The following MCEE variants were observed in gnomAD, a reference collection of about 807,000 sequenced individuals.
MCEE encodes methylmalonyl-CoA epimerase, mitochondrial.
In MCEE, 6 loss-of-function variants were observed where a neutral mutation model predicts 12.9. The ratio of observed to expected loss-of-function variants is 0.47; its 90% CI spans 0.26 to 0.92. The LOEUF is 0.92. Ranked by LOEUF, MCEE falls within the 40% of genes least tolerant of loss-of-function variation. The pLI, the probability that MCEE is intolerant of heterozygous loss-of-function variation, is 0.16. For missense variants in MCEE, 214 were observed against 212.1 expected (o/e 1.01, Z -0.05); for synonymous variants, 78 against 77.9 (o/e 1.00, Z -0.01).
intron 1 of MCEE, among the ~76,000 whole-genome samples, chr2:71,124,768 C>G (rs1480314795): frequency 6.6e-6 from 1 of 152,084 alleles, no homozygotes; most frequent in Non-Finnish European, 1.5e-5. Context: ...TAATTCTGAG[C>G]TGCAGTTAGA....
chr2:71,113,612 A>G (rs530686921), intron 2 of MCEE, among the ~76,000 whole-genome samples: 3 of 152,384 alleles, frequency 2.0e-5, no homozygotes, highest in East Asian at 3.9e-4. Flanking sequence ...TCAAAGGGAC[A>G]TAAGAATCAA....
At chr2:71,119,711 T>C (rs141142581) in intron 2 of MCEE, among the ~76,000 whole-genome samples, 6 of 149,916 alleles carry the variant, frequency 4.0e-5, no homozygotes, top group African/African-American at 1.5e-4. Context: ...AAGGACAGAG[T>C]GATACCAAAA....
rs1177265420 is a variant in MCEE at position 71,109,910 on chromosome 2, T to C, written c.*60A>G. 1 of 1,556,824 alleles carries C rather than the reference T, an allele frequency of 6.4e-7. No individual in the cohort carries two copies. Among genetic ancestry groups the C allele is most frequent in the South Asian group, 1.1e-5 (1 of 89,714 alleles). On this transcript the variant is annotated 3_prime_UTR_variant, in exon 3 of 3. Coordinates refer to ENST00000244217, the MANE Select transcript of MCEE (RefSeq NM_032601.4). ...GTGAAGGACTCAATGTCATAGTACA[T>C]TTTGATAGTATTTGATAGGCTTTTT...
intron 1 of MCEE, among the ~76,000 whole-genome samples, chr2:71,125,671 G>A (rs944551493): frequency 1.3e-5 from 2 of 152,048 alleles, no homozygotes; most frequent in African/African-American, 2.4e-5. Flanking sequence ...ATTCACTGTC[G>A]CTGTGTCCTC....
intron 2 of MCEE, among the ~76,000 whole-genome samples, chr2:71,114,852 G>A (rs1408681114): frequency 6.6e-6 from 1 of 151,998 alleles, no homozygotes; most frequent in African/African-American, 2.4e-5. Flanking sequence ...GTTGAACCTG[G>A]GTGATGAAAG....
At chr2:71,113,133 G>A (rs557077591) in intron 2 of MCEE, among the ~76,000 whole-genome samples, 35 of 152,286 alleles carry the variant, frequency 2.3e-4, no homozygotes, top group African/African-American at 8.4e-4. Flanking sequence ...GGCTGATAGT[G>A]GGAGCTAAGT....
At chr2:71,122,392 C>A (rs765249458) in intron 2 of MCEE, among the ~76,000 whole-genome samples, 11 of 152,198 alleles carry the variant, frequency 7.2e-5, no homozygotes, top group Non-Finnish European at 1.5e-4. Context: ...ACCTTGGCCT[C>A]CCAAAGTGCT....
intron 2 of MCEE, among the ~76,000 whole-genome samples, chr2:71,122,991 C>G (rs1448970662): frequency 6.6e-6 from 1 of 152,226 alleles, no homozygotes; most frequent in African/African-American, 2.4e-5. Context: ...TCACATATAT[C>G]AATTCTACTT....
At chr2:71,121,945 C>A (rs1005421269) in intron 2 of MCEE, among the ~76,000 whole-genome samples, 1 of 152,196 alleles carries the variant, frequency 6.6e-6, no homozygotes, top group Non-Finnish European at 1.5e-5. Flanking sequence ...GGAATCAGAA[C>A]CAATCTGGGA....
chr2:71,119,182 C>T (rs6546676), intron 2 of MCEE, among the ~76,000 whole-genome samples: 38,580 of 149,860 alleles, frequency 0.26, 7,210 homozygotes, highest in African/African-American at 0.45. Context: ...TTGATGGGTA[C>T]GAGTCCTGAG....
chr2:71,121,101 TC>T (rs1212979910), intron 2 of MCEE, among the ~76,000 whole-genome samples: 1 of 152,120 alleles, frequency 6.6e-6, no homozygotes, highest in Admixed American at 6.5e-5. Context: ...TTTCTCCTTT[TC>T]CTCCTTTTAA....
intron 2 of MCEE, among the ~76,000 whole-genome samples, chr2:71,112,715 C>T (rs1004052591): frequency 1.3e-5 from 2 of 152,198 alleles, no homozygotes; most frequent in Non-Finnish European, 2.9e-5. Flanking sequence ...GGATTACAGG[C>T]GTGAGCCACT....
intron 2 of MCEE, among the ~76,000 whole-genome samples, chr2:71,119,796 G>A (rs1424917528): frequency 1.3e-5 from 2 of 150,122 alleles, no homozygotes; most frequent in African/African-American, 2.5e-5. Flanking sequence ...GTTCATGCCT[G>A]TAATCCCAGT....
chr2:71,124,482 G>A lies in MCEE; in HGVS notation c.102C>T (p.Pro34=), dbSNP rs146573280. Residue 34 remains proline, a synonymous_variant, in exon 2 of 3, where the codon CCC becomes CCT. Coordinates refer to ENST00000244217, the MANE Select transcript of MCEE (RefSeq NM_032601.4). ...ACACAGAACCTGTCACTTGATCCAA[G>A]GGCTGTGATGTGGAAGAAGCTCTTA... is the stretch of plus-strand genomic sequence containing the variant. ...PTVRASSTSQ[P]LDQVTGSVWN... 6.2e-7 allele frequency: 1 copy of A among 1,614,134 alleles called. No individual in the cohort carries two copies. Among genetic ancestry groups the A allele is most frequent in the South Asian group, 1.1e-5 (1 of 91,074 alleles).
chr2:71,125,076 T>C (rs1482240229), intron 1 of MCEE, among the ~76,000 whole-genome samples: 1 of 150,118 alleles, frequency 6.7e-6, no homozygotes. Context: ...AACCTCTGCC[T>C]CCTGGGTTCA....
intron 2 of MCEE, among the ~76,000 whole-genome samples, chr2:71,112,433 C>CTTT (rs71400979): frequency 0.053 from 4,294 of 81,174 alleles, 807 homozygotes; most frequent in East Asian, 0.41. Flanking sequence ...CTGCACCTGC[C>CTTT]TTTTTTTTTT....
chr2:71,124,392 A>C lies in MCEE; in HGVS notation c.192T>G (p.Phe64Leu), dbSNP rs765599114. The stretch of plus-strand genomic sequence containing the variant: ...CCTGGGCCCCCAGAATATTCTTATA[A>C]AATGCTGCAGCCTTTTCCAAATCTG... ...AVPDLEKAAA[F>L]YKNILGAQVS... is the part of the protein sequence containing the mutation. The change falls in exon 2 of 3, where the codon TTT becomes TTG. Residue 64 changes from phenylalanine to leucine, a missense_variant. Transcript: ENST00000244217. The C allele has an allele frequency of 2.0e-5, 32 of 1,614,024 alleles. No homozygotes were observed. Among genetic ancestry groups the C allele is most frequent in the Admixed American group, 1.2e-4 (7 of 59,986 alleles).
At chr2:71,122,030 T>C (rs1673110089) in intron 2 of MCEE, among the ~76,000 whole-genome samples, 1 of 152,128 alleles carries the variant, frequency 6.6e-6, no homozygotes, top group African/African-American at 2.4e-5. Flanking sequence ...TCCTGTCAAA[T>C]GGGGATAATA....
chr2:71,128,683 C>T (rs909695879), intron 1 of MCEE, among the ~76,000 whole-genome samples: 5 of 151,974 alleles, frequency 3.3e-5, no homozygotes, highest in South Asian at 4.2e-4. Flanking sequence ...GCGTGTGCTA[C>T]CACGCCCGGC....
Sources: gnomAD v4.1 joint callset for allele counts (sites outside exome capture counted in the v4.1 genomes callset) on GRCh38, gnomAD v4.1.1 for gene constraint, MANE v1.5 for transcripts, NCBI Gene and HGNC (gene_info 2026-07-23, HGNC 2026-07-21) for gene names.